ARID3B: variants seen among roughly 807,000 people sequenced by gnomAD.
The protein encoded by ARID3B is AT-rich interactive domain-containing protein 3B.
In ARID3B, 10 loss-of-function variants were observed where a neutral mutation model predicts 51.9. The observed-to-expected ratio is 0.19, with a 90% CI of 0.12 to 0.33. The LOEUF is 0.33. Ranked by LOEUF, ARID3B falls within the 10% of genes least tolerant of loss-of-function variation. The probability of loss-of-function intolerance (pLI) is 1.00; values close to 1 mark genes in which losing one functional copy is unlikely to be tolerated. For missense variants in ARID3B, 483 were observed against 716.3 expected, an observed-to-expected ratio of 0.67 and a Z score of 3.72; for synonymous variants, 205 against 279.5, an observed-to-expected ratio of 0.73 and a Z score of 2.66.
In ARID3B at chr15:74,593,274, G is replaced by A. The variant is rs368930763; in HGVS notation, c.1519+38G>A. ...AGCTCTGGGGGAGGCCCACGTGGCC[G>A]CAGCTAGCCACAGGGCAGCTCTGCG... is the stretch of plus-strand genomic sequence containing the variant. On this transcript the variant is annotated intron_variant, in intron 8 of 8. Coordinates refer to ENST00000346246, the MANE Select transcript of ARID3B (RefSeq NM_006465.4). The A allele has an allele frequency of 9.1e-5, 144 of 1,579,456 alleles. No individual in the cohort carries two copies. The African/African-American group carries it at 1.6e-3, about 17-fold the overall frequency.
chr15:74,556,459 C>T (rs1250332457), intron 2 of ARID3B, among the ~76,000 whole-genome samples: 2 of 152,152 alleles, frequency 1.3e-5, no homozygotes, highest in African/African-American at 4.8e-5. Flanking sequence ...TGAAATACTA[C>T]GAGAATTACC....
intron 2 of ARID3B, among the ~76,000 whole-genome samples, chr15:74,566,027 A>G (rs938317946): frequency 1.3e-5 from 2 of 152,106 alleles, no homozygotes; most frequent in African/African-American, 2.4e-5. Flanking sequence ...ATAAGAATTC[A>G]GATTAATCCT....
chr15:74,580,746 C>G (rs1288909344), intron 4 of ARID3B, among the ~76,000 whole-genome samples: 2 of 152,158 alleles, frequency 1.3e-5, no homozygotes, highest in Non-Finnish European at 2.9e-5. Context: ...GAAACTTGTT[C>G]CCTAGAGCTA....
intron 2 of ARID3B, among the ~76,000 whole-genome samples, chr15:74,559,431 C>T (rs1192030445): frequency 2.0e-5 from 3 of 152,146 alleles, no homozygotes; most frequent in African/African-American, 7.2e-5. Flanking sequence ...TGCTTGTTTT[C>T]TTGTTTTTGT....
chr15:74,551,566 TC>T (rs773654016), intron 2 of ARID3B, among the ~76,000 whole-genome samples: 18 of 152,296 alleles, frequency 1.2e-4, no homozygotes, highest in Non-Finnish European at 2.1e-4. Context: ...ACCCTCCATT[TC>T]CTGACTCTTT....
chr15:74,566,190 C>G (rs1255630095), intron 2 of ARID3B, among the ~76,000 whole-genome samples: 1 of 152,146 alleles, frequency 6.6e-6, no homozygotes, highest in Non-Finnish European at 1.5e-5. Context: ...CAGGCTTTCC[C>G]TCTCAGATTT....
rs961906837 is a variant in ARID3B, at chr15:74,563,234, G to A, written c.553-9628G>A. Among the ~76,000 whole-genome samples the A allele has an allele frequency of 7.9e-5, 12 of 152,332 alleles. No individual in the cohort carries two copies. The South Asian group carries it at 2.5e-3, about 32-fold the overall frequency. ...TGGCATAGGGACAGTTGTCATCAGA[G>A]AAGGAATGTGTATATCATAGTAGCA... On this transcript the variant is annotated intron_variant, in intron 2 of 8. Coordinates refer to ENST00000346246, the MANE Select transcript of ARID3B (RefSeq NM_006465.4).
chr15:74,552,384 G>A (rs376444258), intron 2 of ARID3B, among the ~76,000 whole-genome samples: 162 of 48,622 alleles, frequency 3.3e-3, no homozygotes, highest in African/African-American at 5.9e-3. Flanking sequence ...TGGTAGAAAC[G>A]GGGTTTCTCC....
chr15:74,593,920 T>C (rs2061813490), intron 8 of ARID3B, among the ~76,000 whole-genome samples: 1 of 151,938 alleles, frequency 6.6e-6, no homozygotes, highest in African/African-American at 2.4e-5. Flanking sequence ...TGCACACCTG[T>C]GGTCCCAGCT....
intron 4 of ARID3B, among the ~76,000 whole-genome samples, chr15:74,585,238 T>A (rs1047247093): frequency 5.3e-5 from 8 of 152,204 alleles, no homozygotes; most frequent in Non-Finnish European, 8.8e-5. Context: ...TCCTTCCTGG[T>A]GCTCTGTGGG....
At chr15:74,552,859 A>G (rs756924902) in intron 2 of ARID3B, among the ~76,000 whole-genome samples, 1 of 152,172 alleles carries the variant, frequency 6.6e-6, no homozygotes, top group East Asian at 1.9e-4. Flanking sequence ...GGTTGCTTCA[A>G]AGTTTTGGCA....
chr15:74,582,261 G>A (rs1415349907), intron 4 of ARID3B, among the ~76,000 whole-genome samples: 3 of 151,654 alleles, frequency 2.0e-5, no homozygotes, highest in Admixed American at 6.6e-5. Context: ...TCCGCCGCCC[G>A]GGTTCACGCC....
chr15:74,585,163 G>A (rs761739828), intron 4 of ARID3B, among the ~76,000 whole-genome samples: 4 of 152,244 alleles, frequency 2.6e-5, no homozygotes, highest in Non-Finnish European at 5.9e-5. Context: ...TGGGGGTGGA[G>A]ATTTGGTCTC....
intron 8 of ARID3B, among the ~76,000 whole-genome samples, chr15:74,594,175 G>T (rs907666342): frequency 6.6e-6 from 1 of 152,180 alleles, no homozygotes; most frequent in Non-Finnish European, 1.5e-5. Flanking sequence ...ATTGCTGGGC[G>T]CGGTGGCTCA....
At chr15:74,581,340 C>T (rs2061761140) in intron 4 of ARID3B, among the ~76,000 whole-genome samples, 1 of 152,196 alleles carries the variant, frequency 6.6e-6, no homozygotes, top group Non-Finnish European at 1.5e-5. Flanking sequence ...GCTTATCTAT[C>T]CATCTCAGGC....
intron 4 of ARID3B, among the ~76,000 whole-genome samples, chr15:74,579,873 G>GCA (rs2061753548): frequency 9.5e-6 from 1 of 104,782 alleles, no homozygotes; most frequent in Non-Finnish European, 2.0e-5. Context: ...GTGTGTGTGT[G>GCA]CGCGCGCGCG....
intron 1 of ARID3B, among the ~76,000 whole-genome samples, chr15:74,543,378 T>C (rs1308590935): frequency 6.6e-6 from 1 of 152,224 alleles, no homozygotes; most frequent in South Asian, 2.1e-4. Flanking sequence ...TTAGAGGTGA[T>C]ATCTTTCTCC....
chr15:74,586,676 C>G (rs767344211), intron 4 of ARID3B, among the ~76,000 whole-genome samples: 1 of 152,220 alleles, frequency 6.6e-6, no homozygotes, highest in Non-Finnish European at 1.5e-5. Flanking sequence ...TGAGACCAGC[C>G]TGGGCAACAT....
chr15:74,550,820 G>A (rs990142820), intron 2 of ARID3B, among the ~76,000 whole-genome samples: 4 of 152,102 alleles, frequency 2.6e-5, no homozygotes, highest in African/African-American at 9.7e-5. Flanking sequence ...CTATTCCAGA[G>A]GATGATAATC....
Sources: allele counts gnomAD v4.1 joint callset (sites outside exome capture counted in the v4.1 genomes callset), GRCh38; gene constraint gnomAD v4.1.1; transcripts MANE v1.5; gene names NCBI Gene and HGNC (gene_info 2026-07-23, HGNC 2026-07-21).